Variants in RNF126 observed in about 807,000 individuals in gnomAD.
RNF126 encodes the protein E3 ubiquitin-protein ligase RNF126.
A neutral mutation model predicts 41.9 loss-of-function variants in RNF126; 20 were observed. That is an observed-to-expected ratio of 0.48 (90% CI 0.34 to 0.69). RNF126 has a LOEUF of 0.69. RNF126 is among the 30% of genes least tolerant of loss of function. The probability of loss-of-function intolerance (pLI) is 0.01; values close to 1 mark genes in which losing one functional copy is unlikely to be tolerated. For missense variants in RNF126, 433 were observed against 460.6 expected (o/e 0.94, Z 0.55); for synonymous variants, 239 against 202.9 (o/e 1.18, Z -1.51).
chr19:651,976 A>T, intron 3 of RNF126, 121 bp from the exon 4 acceptor site: 1 of 887,874 alleles, frequency 1.1e-6, no homozygotes, highest in Non-Finnish European at 1.7e-6. Context: ...GGTGGGAGGG[A>T]GACGCAGACA....
At position 648,900 on chromosome 19, in the gene RNF126, C is replaced by A; in HGVS notation, c.652G>T (p.Val218Phe). The change falls in exon 7 of 9, where the codon GTC becomes TTC. Residue 218 changes from valine (V) to phenylalanine (F), a missense_variant. Val to Phe is a conservative substitution (Grantham distance 50). Around this residue, in one of 5 missense-constraint regions of RNF126, gnomAD observed 97 missense variants for 121.7 expected, o/e 0.80. Transcript: ENST00000292363. ...EKIQALPTVP[V>F]TEEHVGSGLE... is the part of the protein sequence containing the mutation. ...CTCATACCTACGTGCTCCTCAGTGA[C>A]GGGGACGGTGGGGAGGGCCTGGATT... 7.0e-7 allele frequency: 1 copy of A among 1,427,876 alleles called. No individual in the cohort carries two copies. 88.5% of individuals were successfully genotyped at this position (1,427,876 alleles called of 1,614,324 possible).
intron 1 of RNF126, among the ~76,000 whole-genome samples, chr19:662,044 C>A (rs992468231): frequency 6.6e-6 from 1 of 152,194 alleles, no homozygotes; most frequent in Admixed American, 6.5e-5. Flanking sequence ...CACCGCCGGG[C>A]ACGGTGGCTC....
chr19:651,531 A>C, intron 4 of RNF126, 80 bp downstream of exon 4: 4 of 1,320,522 alleles, frequency 3.0e-6, no homozygotes, highest in Non-Finnish European at 3.9e-6. Context: ...GTTTCCGTGG[A>C]ACCCGTGCTG....
At chr19:657,580 C>A (rs2030612612) in intron 1 of RNF126, among the ~76,000 whole-genome samples, 1 of 152,186 alleles carries the variant, frequency 6.6e-6, no homozygotes, top group Admixed American at 6.5e-5. Context: ...GAACGCCCAC[C>A]CTAGGGGTTT....
intron 6 of RNF126, chr19:649,377 G>A: frequency 2.2e-6 from 1 of 450,106 alleles, no homozygotes; most frequent in South Asian, 3.2e-5. Flanking sequence ...AGCAGGTCAG[G>A]GCGCGACCTC....
At chr19:654,971 A>G (rs1054328256) in intron 1 of RNF126, among the ~76,000 whole-genome samples, 33 of 149,878 alleles carry the variant, frequency 2.2e-4, no homozygotes, top group Admixed American at 1.0e-3. Flanking sequence ...CCGTATCGGG[A>G]AAAAAAAAAG....
intron 1 of RNF126, among the ~76,000 whole-genome samples, chr19:654,469 T>C (rs1329976599): frequency 1.4e-4 from 18 of 131,570 alleles, no homozygotes; most frequent in East Asian, 7.1e-4. Flanking sequence ...ATGGTGAAAC[T>C]CTGTCTCTAC....
At chr19:649,178 G>T (rs921057525) in intron 6 of RNF126, 21 of 326,272 alleles carry the variant, frequency 6.4e-5, no homozygotes, top group Non-Finnish European at 1.0e-4. Flanking sequence ...TGGAATGGGG[G>T]AATGGGCGGA....
chr19:655,502 G>T (rs544432443), intron 1 of RNF126, among the ~76,000 whole-genome samples: 46 of 139,628 alleles, frequency 3.3e-4, no homozygotes, highest in African/African-American at 1.1e-3. Flanking sequence ...AAAGAAAAGT[G>T]GGGGGGGAAA....
At chr19:650,534 C>T (rs1262630073) in intron 4 of RNF126, 1 of 373,070 alleles carries the variant, frequency 2.7e-6, no homozygotes, top group Non-Finnish European at 4.8e-6. Context: ...CCTCCCGCCT[C>T]AGCCTCCCAA....
intron 6 of RNF126, 51 bp downstream of exon 6, chr19:649,628 G>C: frequency 6.9e-7 from 1 of 1,456,692 alleles, no homozygotes. Context: ...CCCAGGGGTG[G>C]GCAGCCCAGC....
intron 1 of RNF126, among the ~76,000 whole-genome samples, chr19:654,407 C>A (rs2030467676): frequency 6.6e-6 from 1 of 152,132 alleles, no homozygotes; most frequent in Non-Finnish European, 1.5e-5. Flanking sequence ...CTTCGGGAGG[C>A]CGAGGCGGGC....
Position 651,758 on chromosome 19 carries a change from C to T in RNF126, c.296G>A (p.Gly99Glu). ...GTCCCTGCCGTCGTCAGCCTGCGCC[C>T]CAGGAGGGAACGTGGGGATCTCGAA... ...DSFEIPTFPPGAQADDGRDPE... is the reference protein window; with the variant it reads ...DSFEIPTFPPEAQADDGRDPE... The change falls in exon 4 of 9, where the codon GGG (glycine) becomes GAG (glutamate). Residue 99 changes from glycine (G) to glutamate (E), a missense_variant. Physicochemically the swap from Gly to Glu is moderately conservative, Grantham distance 98 (BLOSUM62 -2). Transcript: ENST00000292363. 1.2e-6 allele frequency: 2 copies of T among 1,612,700 alleles called. No individual in the cohort carries two copies. Among genetic ancestry groups the T allele is most frequent in the Non-Finnish European group, 1.7e-6 (2 of 1,179,838 alleles).
chr19:656,594 G>C (rs373253384), intron 1 of RNF126, among the ~76,000 whole-genome samples: 1 of 152,094 alleles, frequency 6.6e-6, no homozygotes, highest in Non-Finnish European at 1.5e-5. Flanking sequence ...GTTGCAGTGA[G>C]CCGAGATCAT....
intron 8 of RNF126, 25 bp from the exon 9 acceptor site, chr19:648,302 G>T: frequency 6.5e-7 from 1 of 1,546,128 alleles, no homozygotes; most frequent in Non-Finnish European, 8.7e-7. Context: ...AGGCAGGGAC[G>T]GGAGAAGGGG....
rs748778583 is a variant in RNF126, at chr19:648,364, G to A, written c.786+8C>T. 53 of 510,448 alleles carry A rather than the reference G, an allele frequency of 1.0e-4. No homozygotes were observed. The highest frequency in any genetic ancestry group is 1.9e-4 in the Non-Finnish European group (52 of 278,386). The allele number at this position is 510,448 out of a possible 1,614,324, so 31.6% of individuals were successfully genotyped here. On this transcript the variant is annotated splice_region_variant and intron_variant, in intron 8 of 8. Coordinates refer to ENST00000292363, the MANE Select transcript of RNF126 (RefSeq NM_194460.3). Reference sequence around the variant, plus strand: ...CGGGGTGGGGGGGCGGGTGGGCGGGGCACTCACCTGCTCCAGCCAGGGCAC... The same window carrying A: ...CGGGGTGGGGGGGCGGGTGGGCGGGACACTCACCTGCTCCAGCCAGGGCAC...
At chr19:654,568 G>A (rs1039353361) in intron 1 of RNF126, among the ~76,000 whole-genome samples, 21 of 140,754 alleles carry the variant, frequency 1.5e-4, no homozygotes, top group African/African-American at 4.6e-4. Context: ...GCTTGAGCCC[G>A]GGAGGCGGAG....
chr19:648,233 G>T lies in RNF126; in HGVS notation c.831C>A (p.Asn277Lys). 1.9e-6 allele frequency: 3 copies of T among 1,593,694 alleles called. No individual in the cohort carries two copies. The highest frequency in any genetic ancestry group is 2.6e-6 in the Non-Finnish European group (3 of 1,170,414). The change falls in exon 9 of 9, where the codon AAC becomes AAA. Residue 277 changes from asparagine to lysine, a missense_variant. Transcript: ENST00000292363. ...TGAGGCCAGGGGGGTTCGTGGCCGT[G>T]TTCTGTCCCGTGAGGCTTTTTCGGC... is the stretch of plus-strand genomic sequence containing the variant. ...PVCRKSLTGQ[N>K]TATNPPGLTG...
chr19:662,634 C>A (rs2030856728), intron 1 of RNF126, among the ~76,000 whole-genome samples: 1 of 152,166 alleles, frequency 6.6e-6, no homozygotes. Flanking sequence ...CCAGCCCCTG[C>A]CCCGCGCCGC....
Sources: gnomAD v4.1 joint callset for allele counts (sites outside exome capture counted in the v4.1 genomes callset) on GRCh38, gnomAD v4.1.1 for gene constraint, gnomAD v4.1.1 regional missense constraint, MANE v1.5 for transcripts, NCBI Gene and HGNC (gene_info 2026-07-23, HGNC 2026-07-21) for gene names.